The following DMBT1 variants were observed in gnomAD, a reference collection of about 807,000 sequenced individuals.
The protein encoded by DMBT1 is deleted in malignant brain tumors 1, also known as scavenger receptor cysteine-rich domain-containing protein DMBT1.
A neutral mutation model predicts 252.9 loss-of-function variants in DMBT1; 198 were observed. That is an observed-to-expected ratio of 0.78 (90% CI 0.70 to 0.88). The LOEUF (loss-of-function observed/expected upper bound fraction) is 0.88, where lower values mean the gene tolerates loss of function less well. Among genes scored for constraint, DMBT1 ranks in the 40% least tolerant of loss-of-function variants. The pLI is 0.00. For synonymous variants in DMBT1, 990 were observed against 942.7 expected, an observed-to-expected ratio of 1.05 and a Z score of -0.92; for missense variants, 2,432 against 2,404.7, an observed-to-expected ratio of 1.01 and a Z score of -0.24.
intron 23 of DMBT1, 32 bp from the exon 24 acceptor site, chr10:122,596,993 G>A: frequency 2.0e-6 from 1 of 511,290 alleles, no homozygotes. Flanking sequence ...CTTCTGTATA[G>A]TGCATCTGAT....
chr10:122,623,040 C>T (rs1349532033), intron 44 of DMBT1, among the ~76,000 whole-genome samples: 1 of 152,152 alleles, frequency 6.6e-6, no homozygotes, highest in Non-Finnish European at 1.5e-5. Context: ...AAAGCTCTTA[C>T]CCCTTAACCA....
At position 122,570,888 on chromosome 10, in the gene DMBT1, A is replaced by G; in HGVS notation, c.140-2A>G. On this transcript the variant is annotated splice_acceptor_variant, in intron 3 of 55. Coordinates refer to ENST00000338354, the MANE Select transcript of DMBT1 (RefSeq NM_001377530.1). LOFTEE classifies it high-confidence loss of function. ...TGAGCTCTTCCTTTCTCCACCCTGCAGGTTCTCCATTTCCCTCGGAGTCGA... is the reference window on the plus strand; with the variant it reads ...TGAGCTCTTCCTTTCTCCACCCTGCGGGTTCTCCATTTCCCTCGGAGTCGA... 5 of 1,613,292 alleles carry G rather than the reference A, an allele frequency of 3.1e-6. No homozygotes were observed.
chr10:122,640,030 C>T lies in DMBT1; in HGVS notation c.6943-10C>T. The T allele has an allele frequency of 6.2e-7, 1 of 1,609,466 alleles. No homozygotes were observed. Among genetic ancestry groups the T allele is most frequent in the Non-Finnish European group, 8.5e-7 (1 of 1,176,600 alleles). ...GTGCCTGACTCTGCTCTCTTGCCTG[C>T]CTCTCCTAGGCAGACAATGACACCA... On this transcript the variant is annotated splice_polypyrimidine_tract_variant and intron_variant, in intron 54 of 55. Coordinates refer to ENST00000338354, the MANE Select transcript of DMBT1 (RefSeq NM_001377530.1).
chr10:122,619,964 GT>G (rs2098046365), intron 42 of DMBT1, among the ~76,000 whole-genome samples: 1 of 152,202 alleles, frequency 6.6e-6, no homozygotes, highest in Non-Finnish European at 1.5e-5. Flanking sequence ...CAGCAATGGT[GT>G]CACATGTGCC....
intron 46 of DMBT1, among the ~76,000 whole-genome samples, chr10:122,628,461 C>T (rs1591534217): frequency 6.6e-6 from 1 of 152,144 alleles, no homozygotes; most frequent in East Asian, 1.9e-4. Context: ...CGTGGTGAAA[C>T]CCTGTCTCTA....
At position 122,580,878 on chromosome 10, in the gene DMBT1, G is replaced by C. The variant is rs370312495; in HGVS notation, c.1016G>C (p.Arg339Pro). ...CTCTTTCTCACAGCTCCCCAGTCCC[G>C]GCCGACACCCAGCCCAGGTAGGTCC... Reference protein sequence around the residue: ...AGVICSAPQSRPTPSPDTWPT... With the variant: ...AGVICSAPQSPPTPSPDTWPT... The change falls in exon 11 of 56, where the codon CGG (arginine) becomes CCG (proline). Residue 339 changes from arginine (R) to proline (P), a missense_variant. Transcript: ENST00000338354. 3 of 1,613,732 alleles carry C rather than the reference G, an allele frequency of 1.9e-6. No individual in the cohort carries two copies. The highest frequency in any genetic ancestry group is 2.2e-5 in the South Asian group (2 of 91,032).
intron 55 of DMBT1, among the ~76,000 whole-genome samples, chr10:122,641,828 G>A (rs1350934744): frequency 6.6e-6 from 1 of 152,052 alleles, no homozygotes; most frequent in Non-Finnish European, 1.5e-5. Context: ...GGGACTTATT[G>A]GCTACACCTG....
In DMBT1 at chr10:122,625,919, ATT is replaced by A; in HGVS notation, c.5636-6_5636-5del. 1 of 1,584,686 alleles carries A rather than the reference ATT, an allele frequency of 6.3e-7. No individual in the cohort carries two copies. The highest frequency in any genetic ancestry group is 8.7e-7 in the Non-Finnish European group (1 of 1,155,490). Reference sequence around the variant, plus strand: ...ATCTACTAAAATCCTAAACAGCTTCATTTTTTTTTCTAGATTGGTGGCATCCA... The same window carrying A: ...ATCTACTAAAATCCTAAACAGCTTCATTTTTTTCTAGATTGGTGGCATCCA... On this transcript the variant is annotated splice_polypyrimidine_tract_variant and intron_variant, in intron 45 of 55. Transcript: ENST00000338354.
rs368301130 is a variant in DMBT1 at position 122,640,299 on chromosome 10, G to A, written c.7202G>A (p.Arg2401His). The A allele has an allele frequency of 1.5e-4, 240 of 1,613,956 alleles. 1 individual carries two copies. In the African/African-American group the frequency reaches 2.3e-3, roughly 15 times the overall value. Reference protein sequence around the residue: ...SSSFLYPVTSRPYYVDLNQDL... With the variant: ...SSSFLYPVTSHPYYVDLNQDL... ...TCTTTCTTGTATCCTGTGACCAGCCGCCCTTACTACGTGGACCTGAACCAG... is the reference window on the plus strand; with the variant it reads ...TCTTTCTTGTATCCTGTGACCAGCCACCCTTACTACGTGGACCTGAACCAG... The change falls in exon 55 of 56, where the codon CGC (arginine) becomes CAC (histidine). Residue 2401 changes from arginine to histidine, a missense_variant. Physicochemically the swap from Arg to His is conservative, Grantham distance 29 (BLOSUM62 0). Coordinates refer to ENST00000338354, the MANE Select transcript of DMBT1 (RefSeq NM_001377530.1).
At chr10:122,600,673 C>T (rs575788399) in intron 27 of DMBT1, among the ~76,000 whole-genome samples, 53 of 152,174 alleles carry the variant, frequency 3.5e-4, no homozygotes, top group Admixed American at 5.9e-4. Flanking sequence ...TGCCAGTGTC[C>T]GAGCCTCAGC....
At chr10:122,578,381 C>A (rs745456259) in intron 8 of DMBT1, among the ~76,000 whole-genome samples, 2 of 152,106 alleles carry the variant, frequency 1.3e-5, no homozygotes, top group Non-Finnish European at 2.9e-5. Context: ...CCTAGTATCC[C>A]GAACATTTTA....
chr10:122,598,706 G>C (rs549944043), intron 25 of DMBT1, 68 bp from the exon 26 acceptor site: 1 of 1,609,820 alleles, frequency 6.2e-7, no homozygotes, highest in Non-Finnish European at 8.5e-7. Context: ...TGCCTTGAGT[G>C]TGGAACATTC....
chr10:122,572,952 A>T lies in DMBT1; in HGVS notation c.235+591A>T, dbSNP rs943928210. Among the ~76,000 whole-genome samples, 11 of 152,242 alleles carry T rather than the reference A, an allele frequency of 7.2e-5. No homozygotes were observed. The South Asian group carries it at 1.7e-3, about 23-fold the overall frequency. On this transcript the variant is annotated intron_variant, in intron 5 of 55. Transcript: ENST00000338354. Reference sequence around the variant, plus strand: ...ATACTTAACATGCTCAATGGAAAAGAGAACTTCTCCTGGACCTAACCCAGC... The same window carrying T: ...ATACTTAACATGCTCAATGGAAAAGTGAACTTCTCCTGGACCTAACCCAGC...
In DMBT1 at chr10:122,640,012, ACT is replaced by A. The variant is rs565340873; in HGVS notation, c.6943-25_6943-24del. ...TCCCTTAGCAGGTGACATGTGCCTG[ACT>A]CTGCTCTCTTGCCTGCCTCTCCTAG... is the stretch of plus-strand genomic sequence containing the variant. On this transcript the variant is annotated intron_variant, in intron 54 of 55. Transcript: ENST00000338354. 2,097 of 1,602,670 alleles carry A rather than the reference ACT, an allele frequency of 1.3e-3. 35 individuals carry two copies. In the South Asian group the frequency reaches 0.022, roughly 17 times the overall value.
At chr10:122,563,846 G>A (rs780417050) in intron 1 of DMBT1, among the ~76,000 whole-genome samples, 10 of 152,184 alleles carry the variant, frequency 6.6e-5, no homozygotes, top group South Asian at 4.2e-4. Context: ...GACTGCCATG[G>A]GATTAGGCAG....
Position 122,588,104 on chromosome 10 carries a change from T to C in DMBT1, c.1784-840T>C, listed in dbSNP as rs2097807131. 1.3e-5 allele frequency among the ~76,000 whole-genome samples: 2 copies of C among 148,638 alleles called. 1 individual carries two copies. Among genetic ancestry groups the C allele is most frequent in the Non-Finnish European group, 3.0e-5 (2 of 66,780 alleles). ...TCACCCTCAAGTTTAATTCTAGCCT[T>C]TGTCTTTGTTGCAATTAAAGACACG... is the stretch of plus-strand genomic sequence containing the variant. On this transcript the variant is annotated intron_variant, in intron 16 of 55. Coordinates refer to ENST00000338354, the MANE Select transcript of DMBT1 (RefSeq NM_001377530.1).
At chr10:122,599,580 C>G (rs190223500) in intron 26 of DMBT1, among the ~76,000 whole-genome samples, 21 of 152,126 alleles carry the variant, frequency 1.4e-4, no homozygotes, top group Admixed American at 1.1e-3. Flanking sequence ...GATTCTATCA[C>G]GCCTGGGTTG....
At chr10:122,574,407 A>T (rs1441103374) in intron 6 of DMBT1, among the ~76,000 whole-genome samples, 1 of 152,116 alleles carries the variant, frequency 6.6e-6, no homozygotes, top group Admixed American at 6.5e-5. Flanking sequence ...CAAGGACAAC[A>T]TTCTCACCAA....
chr10:122,631,037 C>A lies in DMBT1; in HGVS notation c.6102C>A (p.Gly2034=). The A allele has an allele frequency of 6.2e-7, 1 of 1,613,576 alleles. No individual in the cohort carries two copies. ...CAGRVEIYHG[G]TWGTVCDDSW... is the part of the protein sequence containing the mutation. ...GGCGTGTAGAAATTTACCATGGTGG[C>A]ACCTGGGGGACAGTTTGTGATGACT... Residue 2034 remains glycine (G), a synonymous_variant, in exon 49 of 56, where the codon GGC becomes GGA. Transcript: ENST00000338354.
Sources: allele counts gnomAD v4.1 joint callset (sites outside exome capture counted in the v4.1 genomes callset), GRCh38; gene constraint gnomAD v4.1.1; transcripts MANE v1.5; gene names NCBI Gene and HGNC (gene_info 2026-07-23, HGNC 2026-07-21).